The following DNAI3 variants were observed in gnomAD, a reference collection of about 807,000 sequenced individuals.
DNAI3 encodes the protein WD repeat domain 63.
In DNAI3, 83 loss-of-function variants were observed where a neutral mutation model predicts 115.5. The ratio of observed to expected loss-of-function variants is 0.72; its 90% CI spans 0.60 to 0.86. DNAI3 has a LOEUF of 0.86. Among genes scored for constraint, DNAI3 ranks in the 40% least tolerant of loss-of-function variants. The probability of loss-of-function intolerance (pLI) is 0.00; values close to 1 mark genes in which losing one functional copy is unlikely to be tolerated. For missense variants in DNAI3, 1,004 were observed against 1,075.8 expected (o/e 0.93, Z 0.93); for synonymous variants, 320 against 347.0 (o/e 0.92, Z 0.86).
At chr1:85,096,924 A>G (rs572633051) in intron 11 of DNAI3, among the ~76,000 whole-genome samples, 2 of 152,310 alleles carry the variant, frequency 1.3e-5, no homozygotes, top group Admixed American at 1.3e-4. Flanking sequence ...TACAAAGGTA[A>G]TGTGACTTTA....
chr1:85,065,622 T>C (rs1172590154), intron 1 of DNAI3, among the ~76,000 whole-genome samples: 1 of 152,152 alleles, frequency 6.6e-6, no homozygotes, highest in Non-Finnish European at 1.5e-5. Context: ...TGATTCTGTA[T>C]AGTCTTTTGT....
chr1:85,076,224 A>T (rs9787255), intron 3 of DNAI3, among the ~76,000 whole-genome samples: 86,863 of 151,868 alleles, frequency 0.57, 24,892 homozygotes, highest in Non-Finnish European at 0.58. Flanking sequence ...TCCTGTCACC[A>T]TCTTATAAGG....
At chr1:85,129,837 T>C (rs557098045) in intron 21 of DNAI3, among the ~76,000 whole-genome samples, 153 bp from the exon 22 acceptor site, 2 of 152,190 alleles carry the variant, frequency 1.3e-5, no homozygotes, top group Admixed American at 1.3e-4. Context: ...AATGATTAGG[T>C]AGATGATCAT....
intron 15 of DNAI3, among the ~76,000 whole-genome samples, 194 bp downstream of exon 15, chr1:85,108,371 A>G (rs1655553682): frequency 1.3e-5 from 2 of 152,144 alleles, no homozygotes; most frequent in South Asian, 4.1e-4. Context: ...TTTTTAATTG[A>G]TACATGTTAT....
At chr1:85,085,791 G>GC in intron 6 of DNAI3, 40 bp from the exon 7 acceptor site, 1 of 750,694 alleles carries the variant, frequency 1.3e-6, no homozygotes. Flanking sequence ...ACACATCAGG[G>GC]ACTTCATTAT....
intron 17 of DNAI3, 103 bp from the exon 18 acceptor site, chr1:85,121,641 CTTGTTGT>C: frequency 1.0e-6 from 1 of 965,704 alleles, no homozygotes. Context: ...ATTAAATTGA[CTTGTTGT>C]TTTGCATTTG....
At chr1:85,120,710 G>T (rs1655972275) in intron 17 of DNAI3, among the ~76,000 whole-genome samples, 1 of 152,176 alleles carries the variant, frequency 6.6e-6, no homozygotes, top group South Asian at 2.1e-4. Context: ...GTGCAACATG[G>T]CCATAGATTA....
In DNAI3 at chr1:85,130,098, G is replaced by A. The variant is rs776104567; in HGVS notation, c.2518G>A (p.Ala840Thr). The A allele has an allele frequency of 1.9e-6, 3 of 1,613,378 alleles. No homozygotes were observed. The highest frequency in any genetic ancestry group is 2.2e-5 in the South Asian group (2 of 90,952). ...QEKKEMELEM[A>T]KKKVKTYQKS... Reference sequence around the variant, plus strand: ...AAAGAAAGAAATGGAACTAGAAATGGCAAAGAAAAAAGTTGTAAGTTAAAT... The same window carrying A: ...AAAGAAAGAAATGGAACTAGAAATGACAAAGAAAAAAGTTGTAAGTTAAAT... The change falls in exon 22 of 23, where the codon GCA (alanine) becomes ACA (threonine). Residue 840 changes from alanine (A) to threonine (T), a missense_variant. Ala to Thr is a moderately conservative substitution (Grantham distance 58, BLOSUM62 0). Transcript: ENST00000294664.
At chr1:85,072,771 C>A (rs187079060) in intron 2 of DNAI3, among the ~76,000 whole-genome samples, 1 of 150,900 alleles carries the variant, frequency 6.6e-6, no homozygotes, top group Non-Finnish European at 1.5e-5. Context: ...CTGGTTGACA[C>A]GGTGAAACCC....
intron 13 of DNAI3, 120 bp downstream of exon 13, chr1:85,098,778 T>A: frequency 7.7e-6 from 11 of 1,436,992 alleles, no homozygotes; most frequent in Admixed American, 4.3e-5. Context: ...AACCAGGAAC[T>A]AAGCATCAAA....
At chr1:85,073,815 G>A (rs1280984093) in intron 3 of DNAI3, among the ~76,000 whole-genome samples, 3 of 152,328 alleles carry the variant, frequency 2.0e-5, no homozygotes, top group African/African-American at 7.2e-5. Context: ...AATTGCAGGA[G>A]CAAGGACTGA....
At chr1:85,074,735 A>C (rs1193979378) in intron 3 of DNAI3, among the ~76,000 whole-genome samples, 1 of 152,168 alleles carries the variant, frequency 6.6e-6, no homozygotes, top group Non-Finnish European at 1.5e-5. Context: ...CTCCTAGGGG[A>C]AACACAGGGT....
Position 85,081,368 on chromosome 1 carries a change from A to G in DNAI3, c.238A>G (p.Asn80Asp), listed in dbSNP as rs757028946. The change falls in exon 4 of 23, where the codon AAC becomes GAC. Residue 80 changes from asparagine to aspartate, a missense_variant. Coordinates refer to ENST00000294664, the MANE Select transcript of DNAI3 (RefSeq NM_145172.5). ...NKEDIFEDLR[N>D]RAAVSDFHPV... ...AGAAGACATTTTTGAGGACCTGCGC[A>G]ACAGAGCTGCAGTATCTGATTTCCA... 6.2e-7 allele frequency: 1 copy of G among 1,600,850 alleles called. No homozygotes were observed. The highest frequency in any genetic ancestry group is 2.3e-5 in the East Asian group (1 of 44,192).
At chr1:85,121,885 G>A in intron 18 of DNAI3, 71 bp downstream of exon 18, 1 of 1,519,476 alleles carries the variant, frequency 6.6e-7, no homozygotes, top group South Asian at 1.1e-5. Flanking sequence ...GGAATCTCAT[G>A]CAGTACAGAG....
intron 4 of DNAI3, 114 bp downstream of exon 4, chr1:85,081,529 T>C (rs1000813750): frequency 2.2e-6 from 2 of 925,170 alleles, no homozygotes; most frequent in African/African-American, 3.5e-5. Context: ...TTTGGGCAAG[T>C]GCTAGCTTGC....
At chr1:85,072,566 C>T (rs1265840593) in intron 2 of DNAI3, among the ~76,000 whole-genome samples, 2 of 150,540 alleles carry the variant, frequency 1.3e-5, no homozygotes, top group African/African-American at 2.4e-5. Flanking sequence ...CACTTGAACC[C>T]GGGAGGCAGA....
chr1:85,065,901 T>C (rs766007160), intron 1 of DNAI3, among the ~76,000 whole-genome samples: 20 of 152,210 alleles, frequency 1.3e-4, no homozygotes, highest in Non-Finnish European at 2.2e-4. Context: ...ATGGGCAAGT[T>C]GGAGAGTTAG....
chr1:85,066,972 C>A (rs963147697), intron 1 of DNAI3, among the ~76,000 whole-genome samples: 2 of 151,446 alleles, frequency 1.3e-5, no homozygotes, highest in South Asian at 4.2e-4. Context: ...GTTTCGATAC[C>A]CCCAATTAAA....
At chr1:85,127,003 C>T (rs562138003) in intron 20 of DNAI3, among the ~76,000 whole-genome samples, 6 of 152,306 alleles carry the variant, frequency 3.9e-5, no homozygotes, top group Non-Finnish European at 8.8e-5. Context: ...ACGTGTCAGG[C>T]AGAGGCTGGT....
Sources: allele counts gnomAD v4.1 joint callset (sites outside exome capture counted in the v4.1 genomes callset), GRCh38; gene constraint gnomAD v4.1.1; transcripts MANE v1.5; gene names NCBI Gene and HGNC (gene_info 2026-07-23, HGNC 2026-07-21).